The following NOL4 variants were observed in gnomAD, a reference collection of about 807,000 sequenced individuals.
NOL4 encodes the protein nucleolar protein 4, also known as cancer/testis antigen 125.
In NOL4, 17 loss-of-function variants were observed where a neutral mutation model predicts 75.9. The ratio of observed to expected loss-of-function variants is 0.22; its 90% CI spans 0.15 to 0.34. The LOEUF is 0.34. Among genes scored for constraint, NOL4 ranks in the 10% least tolerant of loss-of-function variants. The pLI is 1.00. For missense variants in NOL4, 614 were observed against 793.5 expected, an observed-to-expected ratio of 0.77 and a Z score of 2.72; for synonymous variants, 292 against 289.9, an observed-to-expected ratio of 1.01 and a Z score of -0.07.
chr18:34,071,604 T>C (rs1337949911), intron 5 of NOL4, among the ~76,000 whole-genome samples: 1 of 152,182 alleles, frequency 6.6e-6, no homozygotes, highest in Admixed American at 6.5e-5. Context: ...CAGTAGATTA[T>C]TCAATAAACT....
intron 6 of NOL4, among the ~76,000 whole-genome samples, chr18:33,960,479 C>A (rs1165496953): frequency 6.6e-6 from 1 of 151,978 alleles, no homozygotes; most frequent in Non-Finnish European, 1.5e-5. Context: ...TTTCTAAAAT[C>A]TCCTGCTCCA....
At chr18:33,926,745 C>T (rs1186387629) in intron 9 of NOL4, among the ~76,000 whole-genome samples, 9 of 152,044 alleles carry the variant, frequency 5.9e-5, no homozygotes, top group African/African-American at 1.7e-4. Flanking sequence ...GGATTAGAGG[C>T]GCCCACCACC....
chr18:34,124,509 A>C (rs1028046592), intron 2 of NOL4, among the ~76,000 whole-genome samples: 6 of 152,162 alleles, frequency 3.9e-5, no homozygotes, highest in Admixed American at 3.3e-4. Context: ...TTTTCTGTGG[A>C]GTTTGCTGAG....
chr18:34,099,898 G>A (rs1292715079), intron 4 of NOL4, among the ~76,000 whole-genome samples: 1 of 152,040 alleles, frequency 6.6e-6, no homozygotes, highest in Non-Finnish European at 1.5e-5. Flanking sequence ...ATAGAGATGA[G>A]CAATTATTTA....
At chr18:33,881,878 C>T (rs1170613855) in intron 10 of NOL4, among the ~76,000 whole-genome samples, 4 of 151,974 alleles carry the variant, frequency 2.6e-5, no homozygotes, top group East Asian at 1.9e-4. Flanking sequence ...TGGAACAGAA[C>T]AGAGCCCTCA....
At chr18:34,075,697 T>G (rs2077714528) in intron 5 of NOL4, among the ~76,000 whole-genome samples, 1 of 152,128 alleles carries the variant, frequency 6.6e-6, no homozygotes, top group Non-Finnish European at 1.5e-5. Flanking sequence ...TGAGACAAAA[T>G]TATGAAAAGT....
At chr18:33,895,030 TG>T (rs2144883808) in intron 9 of NOL4, among the ~76,000 whole-genome samples, 1 of 152,268 alleles carries the variant, frequency 6.6e-6, no homozygotes, top group Admixed American at 6.5e-5. Context: ...TCAATTAGCT[TG>T]ATTTAATCAT....
chr18:33,911,028 G>C (rs1025375911), intron 9 of NOL4, among the ~76,000 whole-genome samples: 5 of 152,006 alleles, frequency 3.3e-5, no homozygotes, highest in African/African-American at 1.2e-4. Context: ...ATTTGGGTGA[G>C]CAGGAATTTT....
At chr18:34,106,698 CTCTT>C (rs552036251) in intron 2 of NOL4, among the ~76,000 whole-genome samples, 40 of 151,622 alleles carry the variant, frequency 2.6e-4, no homozygotes, top group Admixed American at 5.3e-4. Flanking sequence ...CATTTTCTCT[CTCTT>C]TCCCTATAAA....
At chr18:34,189,569 A>AT (rs1487589683) in intron 1 of NOL4, among the ~76,000 whole-genome samples, 3 of 152,114 alleles carry the variant, frequency 2.0e-5, no homozygotes, top group African/African-American at 7.2e-5. Context: ...AAATCAAAGA[A>AT]TCCCTATTAA....
chr18:33,969,815 T>C (rs1422412797), intron 6 of NOL4, among the ~76,000 whole-genome samples: 2 of 152,054 alleles, frequency 1.3e-5, no homozygotes, highest in Non-Finnish European at 2.9e-5. Context: ...CATGAAATTG[T>C]CATTTAAAAA....
intron 5 of NOL4, among the ~76,000 whole-genome samples, chr18:34,083,712 T>C (rs969493709): frequency 2.6e-5 from 4 of 152,204 alleles, no homozygotes; most frequent in African/African-American, 7.2e-5. Context: ...GAGAGGTCTT[T>C]TATGCTGTCT....
intron 1 of NOL4, among the ~76,000 whole-genome samples, chr18:34,134,239 T>G (rs930157026): frequency 6.6e-6 from 1 of 152,042 alleles, no homozygotes; most frequent in Non-Finnish European, 1.5e-5. Flanking sequence ...AAATTAAAAT[T>G]TCTTTACTTG....
chr18:34,042,069 T>C (rs1460737099), intron 5 of NOL4, among the ~76,000 whole-genome samples: 2 of 151,998 alleles, frequency 1.3e-5, no homozygotes, highest in Non-Finnish European at 2.9e-5. Context: ...GAAGACTTTT[T>C]TCTATAAATA....
chr18:33,894,801 A>G (rs185289411), intron 9 of NOL4, among the ~76,000 whole-genome samples: 29 of 152,228 alleles, frequency 1.9e-4, no homozygotes, highest in South Asian at 1.7e-3. Context: ...GAGTAGAATT[A>G]TGGTTACCCA....
chr18:34,183,379 C>G (rs2034200432), intron 1 of NOL4: 2 of 151,810 alleles, frequency 1.3e-5, no homozygotes, highest in African/African-American at 4.8e-5. Context: ...ATTAAAAACT[C>G]TGACAATGTC....
At chr18:34,104,222 A>G (rs1455634600) in intron 3 of NOL4, 63 bp from the exon 4 acceptor site, 1 of 971,460 alleles carries the variant, frequency 1.0e-6, no homozygotes, top group East Asian at 2.5e-5. Context: ...TAATTTTAAA[A>G]TGATCTATTT....
chr18:33,908,135 T>C (rs2066174651), intron 9 of NOL4, among the ~76,000 whole-genome samples: 2 of 152,154 alleles, frequency 1.3e-5, no homozygotes, highest in African/African-American at 2.4e-5. Context: ...CCCTCTCAGA[T>C]ACTATGCATT....
intron 1 of NOL4, among the ~76,000 whole-genome samples, chr18:34,205,805 C>G (rs2036083293): frequency 6.6e-6 from 1 of 152,016 alleles, no homozygotes; most frequent in Non-Finnish European, 1.5e-5. Flanking sequence ...TGTTAAAACC[C>G]CAGGCAAAGG....
Sources: allele counts gnomAD v4.1 joint callset (sites outside exome capture counted in the v4.1 genomes callset), GRCh38; gene constraint gnomAD v4.1.1; transcripts MANE v1.5; gene names NCBI Gene and HGNC (gene_info 2026-07-23, HGNC 2026-07-21).